The following CFHR5 variants were observed in gnomAD, a reference collection of about 807,000 sequenced individuals.
The protein encoded by CFHR5 is complement factor H related 5, also known as complement factor H-related protein 5.
In CFHR5, 73 loss-of-function variants were observed where a neutral mutation model predicts 62.9. The ratio of observed to expected loss-of-function variants is 1.16; its 90% CI spans 0.96 to 1.41. The LOEUF is 1.41. Among genes scored for constraint, CFHR5 ranks in the 40% most tolerant of loss-of-function variants. The pLI is 0.00. For missense variants in CFHR5, 779 were observed against 679.9 expected, an observed-to-expected ratio of 1.15 and a Z score of -1.62; for synonymous variants, 249 against 227.2, an observed-to-expected ratio of 1.10 and a Z score of -0.86.
chr1:196,997,157 C>T (rs1013844002), intron 6 of CFHR5, among the ~76,000 whole-genome samples: 1 of 152,114 alleles, frequency 6.6e-6, no homozygotes, highest in African/African-American at 2.4e-5. Context: ...GGATAATCAA[C>T]TGGCCCACTC....
chr1:196,983,414 A>G (rs891106470), intron 2 of CFHR5, among the ~76,000 whole-genome samples: 8 of 152,240 alleles, frequency 5.3e-5, no homozygotes, highest in African/African-American at 1.4e-4. Context: ...GTCATTTTAT[A>G]TAGATATTCT....
Position 197,008,627 on chromosome 1 carries a change from C to G in CFHR5, c.1654C>G (p.Pro552Ala). 1 of 1,613,772 alleles carries G rather than the reference C, an allele frequency of 6.2e-7. No individual in the cohort carries two copies. Among genetic ancestry groups the G allele is most frequent in the South Asian group, 1.1e-5 (1 of 91,076 alleles). Residue 552 changes from proline (P) to alanine (A), a missense_variant, in exon 10 of 10, where the codon CCA becomes GCA. Transcript: ENST00000256785. Reference sequence around the variant, plus strand: ...CCCACATAAAGCGATGATATCATCACCACCATTTCGAGCAATCTGTCAGGA... The same window carrying G: ...CCCACATAAAGCGATGATATCATCAGCACCATTTCGAGCAATCTGTCAGGA... The part of the protein sequence containing the change: ...KFPHKAMISS[P>A]PFRAICQEGK...
intron 3 of CFHR5, among the ~76,000 whole-genome samples, chr1:196,985,613 G>C (rs773853581): frequency 6.6e-6 from 1 of 152,012 alleles, no homozygotes; most frequent in Non-Finnish European, 1.5e-5. Context: ...ATCCATACCT[G>C]TTCATGTCAT....
intron 9 of CFHR5, among the ~76,000 whole-genome samples, chr1:197,007,641 A>G (rs947917269): frequency 4.0e-5 from 6 of 149,030 alleles, no homozygotes; most frequent in Non-Finnish European, 1.5e-5. Context: ...TTTTTAACAT[A>G]TATGTATACA....
intron 3 of CFHR5, 65 bp from the exon 4 acceptor site, chr1:196,994,015 A>T (rs1288629577): frequency 3.2e-6 from 4 of 1,258,980 alleles, no homozygotes; most frequent in African/African-American, 1.5e-5. Flanking sequence ...TTATTTTTAT[A>T]TAGCACACAT....
At position 197,008,900 on chromosome 1, in the gene CFHR5, TATAAC is replaced by T; in HGVS notation, c.*219_*223del. The T allele has an allele frequency of 2.0e-6, 1 of 512,404 alleles. No individual in the cohort carries two copies. The highest frequency in any genetic ancestry group is 3.5e-5 in the East Asian group (1 of 28,758). The allele number at this position is 512,404 out of a possible 1,614,324, so 31.7% of individuals were successfully genotyped here. On this transcript the variant is annotated 3_prime_UTR_variant, in exon 10 of 10. Transcript: ENST00000256785. ...GGTGTCTTAGTCCATATTACATTGTTATAACAGAGTATCACAGACTGGATAACTTC... is the reference window on the plus strand; with the variant it reads ...GGTGTCTTAGTCCATATTACATTGTTAGAGTATCACAGACTGGATAACTTC...
chr1:197,005,666 C>T (rs1237137268), intron 9 of CFHR5, among the ~76,000 whole-genome samples: 1 of 152,040 alleles, frequency 6.6e-6, no homozygotes, highest in African/African-American at 2.4e-5. Context: ...TCCATAAACC[C>T]CTCTGTTTTC....
At chr1:196,981,845 G>A (rs1216507708) in intron 1 of CFHR5, among the ~76,000 whole-genome samples, 1 of 151,632 alleles carries the variant, frequency 6.6e-6, no homozygotes, top group Non-Finnish European at 1.5e-5. Context: ...ATAAATAATT[G>A]TTATATTGTA....
rs761319757 is a variant in CFHR5 at position 196,982,974 on chromosome 1, G to C, written c.148G>C (p.Val50Leu). 1.2e-6 allele frequency: 2 copies of C among 1,614,106 alleles called. No homozygotes were observed. Among genetic ancestry groups the C allele is most frequent in the South Asian group, 1.1e-5 (1 of 91,044 alleles). ...TTTTTCCCAAGTTCCTACAGGGGAA[G>C]TTTTCTATTACTCCTGTGAATATAA... The part of the protein sequence containing the change: ...NPFSQVPTGE[V>L]FYYSCEYNFV... The change falls in exon 2 of 10, where the codon GTT becomes CTT. Residue 50 changes from valine to leucine, a missense_variant. Transcript: ENST00000256785.
In CFHR5 at chr1:196,994,215, G is replaced by A; in HGVS notation, c.566G>A (p.Cys189Tyr). ...AGAGTTGGATCAGACTCAGTTCAAT[G>A]TTACCAATTTGGGTGGTCACCTAAC... ...LIRVGSDSVQ[C>Y]YQFGWSPNFP... is the part of the protein sequence containing the mutation. The change falls in exon 4 of 10, where the codon TGT becomes TAT. Residue 189 changes from cysteine (C) to tyrosine (Y), a missense_variant. Cys to Tyr is a radical substitution (Grantham distance 194). Transcript: ENST00000256785. The A allele has an allele frequency of 3.7e-6, 6 of 1,613,700 alleles. No individual in the cohort carries two copies. Among genetic ancestry groups the A allele is most frequent in the Non-Finnish European group, 5.1e-6 (6 of 1,179,790 alleles).
chr1:196,995,747 A>G lies in CFHR5; in HGVS notation c.638A>G (p.Gln213Arg). 6.2e-7 allele frequency: 1 copy of G among 1,613,380 alleles called. No homozygotes were observed. The highest frequency in any genetic ancestry group is 1.1e-5 in the South Asian group (1 of 91,072). ...GQVRSCGPPP[Q>R]LSNGEVKEIR... The stretch of plus-strand genomic sequence containing the variant: ...GTACGATCATGTGGTCCACCTCCTC[A>G]ACTCTCCAATGGTGAAGTTAAGGAG... The change falls in exon 5 of 10, where the codon CAA (glutamine) becomes CGA (arginine). Residue 213 changes from glutamine (Q) to arginine (R), a missense_variant. By Grantham distance (43) the Gln-to-Arg change is conservative. Coordinates refer to ENST00000256785, the MANE Select transcript of CFHR5 (RefSeq NM_030787.4).
chr1:196,994,044 G>C, intron 3 of CFHR5, 36 bp from the exon 4 acceptor site: 1 of 1,536,788 alleles, frequency 6.5e-7, no homozygotes, highest in Non-Finnish European at 9.0e-7. Flanking sequence ...TTTCTGCAAT[G>C]AAAATTCACA....
chr1:196,993,968 A>G, intron 3 of CFHR5, 112 bp from the exon 4 acceptor site: 1 of 810,844 alleles, frequency 1.2e-6, no homozygotes, highest in Non-Finnish European at 2.0e-6. Flanking sequence ...GAAGGCAAGA[A>G]TATATTTTAT....
intron 1 of CFHR5, among the ~76,000 whole-genome samples, 158 bp downstream of exon 1, chr1:196,977,880 C>T (rs1473596695): frequency 6.6e-6 from 1 of 152,126 alleles, no homozygotes; most frequent in East Asian, 1.9e-4. Flanking sequence ...TATTTTCCAA[C>T]ATGCAATTAG....
intron 9 of CFHR5, among the ~76,000 whole-genome samples, 171 bp downstream of exon 9, chr1:197,005,014 G>A (rs1654251280): frequency 1.3e-5 from 2 of 152,048 alleles, no homozygotes; most frequent in Non-Finnish European, 2.9e-5. Context: ...TGCAAAGTGA[G>A]AAAAATTTAT....
intron 9 of CFHR5, among the ~76,000 whole-genome samples, chr1:197,007,126 C>T (rs1165060482): frequency 5.3e-5 from 8 of 151,840 alleles, no homozygotes; most frequent in African/African-American, 1.2e-4. Flanking sequence ...TGAGCCACCA[C>T]GCCCGGCCCA....
At chr1:196,988,433 T>A (rs1653755070) in intron 3 of CFHR5, among the ~76,000 whole-genome samples, 1 of 152,160 alleles carries the variant, frequency 6.6e-6, no homozygotes, top group African/African-American at 2.4e-5. Context: ...AGAGAGGGCA[T>A]CCCTGTCTTG....
intron 9 of CFHR5, among the ~76,000 whole-genome samples, chr1:197,006,663 G>A (rs2125040771): frequency 6.7e-6 from 1 of 149,922 alleles, no homozygotes; most frequent in Admixed American, 6.7e-5. Flanking sequence ...AGTGAGCCGA[G>A]ATTGCACCAT....
intron 3 of CFHR5, 152 bp from the exon 4 acceptor site, chr1:196,993,928 G>T: frequency 1.6e-6 from 1 of 639,538 alleles, no homozygotes. Context: ...ATATTTATTG[G>T]GTATAAATAA....
Sources: allele counts gnomAD v4.1 joint callset (sites outside exome capture counted in the v4.1 genomes callset), GRCh38; gene constraint gnomAD v4.1.1; transcripts MANE v1.5; gene names NCBI Gene and HGNC (gene_info 2026-07-23, HGNC 2026-07-21).